The following APH1B variants were observed in gnomAD, a reference collection of about 807,000 sequenced individuals.
APH1B encodes the protein aph-1B gamma-secretase subunit.
Under a neutral mutation model 28.2 loss-of-function variants are expected in APH1B, and 27 were observed. The observed-to-expected ratio is 0.96, with a 90% confidence interval of 0.70 to 1.32. The LOEUF (loss-of-function observed/expected upper bound fraction) is 1.32. APH1B is among the 40% of genes most tolerant of loss of function. APH1B has a pLI of 0.00. For synonymous variants in APH1B, 141 were observed against 124.6 expected (o/e 1.13, Z -0.88); for missense variants, 305 against 313.6 (o/e 0.97, Z 0.21).
Position 63,279,231 on chromosome 15 carries a change from A to C in APH1B, c.184A>C (p.Asn62His). The change falls in exon 2 of 6, where the codon AAC (asparagine) becomes CAC (histidine). Residue 62 changes from asparagine (N) to histidine (H), a missense_variant. Asn to His is a moderately conservative substitution (Grantham distance 68). Coordinates refer to ENST00000261879, the MANE Select transcript of APH1B (RefSeq NM_031301.4). ...GTTCATGGCAAGAGTCATTATTGAC[A>C]ACAAAGATGGACCAACACAGAAATA... Reference protein sequence around the residue: ...VWFMARVIIDNKDGPTQKYLL... With the variant: ...VWFMARVIIDHKDGPTQKYLL... 1.2e-6 allele frequency: 2 copies of C among 1,613,368 alleles called. No individual in the cohort carries two copies. Among genetic ancestry groups the C allele is most frequent in the Non-Finnish European group, 1.7e-6 (2 of 1,179,402 alleles).
At chr15:63,293,131 T>A (rs1232071182) in intron 4 of APH1B, among the ~76,000 whole-genome samples, 1 of 152,128 alleles carries the variant, frequency 6.6e-6, no homozygotes, top group Admixed American at 6.5e-5. Context: ...ACTGCTGCCT[T>A]TATTTTTAGT....
chr15:63,279,420 C>T (rs2038361844), intron 2 of APH1B, 89 bp downstream of exon 2: 4 of 1,237,116 alleles, frequency 3.2e-6, no homozygotes, highest in East Asian at 2.4e-5. Context: ...AGTATTGTAT[C>T]TATGCCCTCC....
In APH1B at chr15:63,305,877, A is replaced by C. The variant is rs200629722; in HGVS notation, c.*96A>C. 2.1e-6 allele frequency: 3 copies of C among 1,447,170 alleles called. No individual in the cohort carries two copies. Among genetic ancestry groups the C allele is most frequent in the Non-Finnish European group, 2.8e-6 (3 of 1,079,616 alleles). 89.6% of individuals were successfully genotyped at this position (1,447,170 alleles called of 1,614,324 possible). A position where few individuals can be genotyped will look rare whatever the true frequency, so the allele number is the denominator to read the frequency against. On this transcript the variant is annotated 3_prime_UTR_variant, in exon 6 of 6. Transcript: ENST00000261879. Reference sequence around the variant, plus strand: ...AAAATCCCTTTTTCTGGTGGAATTGAGAAAGAAATAAAACTATGCAGATAT... The same window carrying C: ...AAAATCCCTTTTTCTGGTGGAATTGCGAAAGAAATAAAACTATGCAGATAT...
chr15:63,286,524 T>TC (rs1595760103), intron 2 of APH1B, 34 bp from the exon 3 acceptor site: 3 of 1,526,326 alleles, frequency 2.0e-6, no homozygotes, highest in Non-Finnish European at 1.8e-6. Flanking sequence ...TTTTTTTTTT[T>TC]TTCTTCTTAA....
In APH1B at chr15:63,308,797, C is replaced by G. The variant is rs2038713229; in HGVS notation, c.*3016C>G. Reference sequence around the variant, plus strand: ...GGAGGGTGTTGGCTGTTTTTGTTAGCTCAGTTTTTTTCTGGGCTCCACCAT... The same window carrying G: ...GGAGGGTGTTGGCTGTTTTTGTTAGGTCAGTTTTTTTCTGGGCTCCACCAT... On this transcript the variant is annotated 3_prime_UTR_variant, in exon 6 of 6. Coordinates refer to ENST00000261879, the MANE Select transcript of APH1B (RefSeq NM_031301.4). 6.6e-6 allele frequency: 1 copy of G among 152,212 alleles called. No individual in the cohort carries two copies. The highest frequency in any genetic ancestry group is 1.5e-5 in the Non-Finnish European group (1 of 68,038). The allele number at this position is 152,212 out of a possible 1,614,324, so 9.4% of individuals were successfully genotyped here. A position where few individuals can be genotyped will look rare whatever the true frequency, so the allele number is the denominator to read the frequency against.
chr15:63,282,236 C>A (rs1226909066), intron 2 of APH1B, among the ~76,000 whole-genome samples: 1 of 152,204 alleles, frequency 6.6e-6, no homozygotes, highest in Non-Finnish European at 1.5e-5. Flanking sequence ...TTTATCTCCA[C>A]TGCCAAAGTA....
At chr15:63,277,763 G>C (rs2038340386) in intron 1 of APH1B, 27 bp downstream of exon 1, 1 of 1,599,490 alleles carries the variant, frequency 6.3e-7, no homozygotes, top group African/African-American at 1.4e-5. Flanking sequence ...GGGAAACCCG[G>C]ACGCCGGGGC....
At chr15:63,278,665 C>T (rs1160020701) in intron 1 of APH1B, among the ~76,000 whole-genome samples, 1 of 152,140 alleles carries the variant, frequency 6.6e-6, no homozygotes, top group African/African-American at 2.4e-5. Flanking sequence ...GAATTTTATA[C>T]CAGTCACTTT....
chr15:63,284,513 C>CTGTGCTTT, intron 2 of APH1B, among the ~76,000 whole-genome samples: 1 of 152,180 alleles, frequency 6.6e-6, no homozygotes, highest in South Asian at 2.1e-4. Context: ...TGCGCCTGGC[C>CTGTGCTTT]AATATGTGCT....
At chr15:63,286,751 T>A in intron 3 of APH1B, 123 bp downstream of exon 3, 2 of 876,950 alleles carry the variant, frequency 2.3e-6, no homozygotes, top group Non-Finnish European at 3.4e-6. Context: ...CCTATTGGTG[T>A]ACATATTTGC....
At chr15:63,281,198 G>A (rs2152592102) in intron 2 of APH1B, among the ~76,000 whole-genome samples, 1 of 151,982 alleles carries the variant, frequency 6.6e-6, no homozygotes, top group East Asian at 1.9e-4. Flanking sequence ...TCAAGTACCA[G>A]GTAAATGAAG....
In APH1B at chr15:63,286,591, A is replaced by G. The variant is rs757189544; in HGVS notation, c.318A>G (p.Pro106=). The change falls in exon 3 of 6, where the codon CCA becomes CCG. Residue 106 remains proline, a synonymous_variant. Coordinates refer to ENST00000261879, the MANE Select transcript of APH1B (RefSeq NM_031301.4). The part of the protein sequence containing the change: ...KASEGLKSIN[P]GETAPSMRLL... Reference sequence around the variant, plus strand: ...GTGAAGGTTTGAAGAGTATAAACCCAGGTGAGACAGCACCCTCTATGCGAC... The same window carrying G: ...GTGAAGGTTTGAAGAGTATAAACCCGGGTGAGACAGCACCCTCTATGCGAC... The G allele has an allele frequency of 2.5e-6, 4 of 1,607,484 alleles. No homozygotes were observed. The highest frequency in any genetic ancestry group is 3.4e-6 in the Non-Finnish European group (4 of 1,177,476).
At chr15:63,286,524 T>A in intron 2 of APH1B, 34 bp from the exon 3 acceptor site, 1 of 1,526,332 alleles carries the variant, frequency 6.6e-7, no homozygotes, top group Non-Finnish European at 8.8e-7. Flanking sequence ...TTTTTTTTTT[T>A]TTCTTCTTAA....
chr15:63,299,010 G>A (rs1263439691), intron 4 of APH1B, among the ~76,000 whole-genome samples: 2 of 152,130 alleles, frequency 1.3e-5, no homozygotes, highest in Admixed American at 1.3e-4. Context: ...GAAATGGAGA[G>A]GGGTGGTGCT....
intron 2 of APH1B, among the ~76,000 whole-genome samples, chr15:63,282,619 C>T (rs1178139035): frequency 2.6e-5 from 4 of 151,726 alleles, no homozygotes; most frequent in Non-Finnish European, 5.9e-5. Flanking sequence ...GCTTGAAACT[C>T]CTGTATGTTG....
intron 2 of APH1B, among the ~76,000 whole-genome samples, chr15:63,285,069 A>T (rs1435723984): frequency 6.6e-6 from 1 of 152,224 alleles, no homozygotes; most frequent in Non-Finnish European, 1.5e-5. Context: ...GAAGATGGTC[A>T]CTTAAATTTC....
In APH1B at chr15:63,278,786, C is replaced by A. The variant is rs542859654; in HGVS notation, c.114-375C>A. 3.6e-4 allele frequency among the ~76,000 whole-genome samples: 55 copies of A among 152,290 alleles called. No homozygotes were observed. The South Asian group carries it at 0.011, about 31-fold the overall frequency. On this transcript the variant is annotated intron_variant, in intron 1 of 5. Coordinates refer to ENST00000261879, the MANE Select transcript of APH1B (RefSeq NM_031301.4). ...TTAAGAATATGAAAATTGCAGTAAT[C>A]AGGGTTGTGTATTTTCTTGTTTTGG...
At chr15:63,278,290 GC>G (rs1311442479) in intron 1 of APH1B, 2 of 456,402 alleles carry the variant, frequency 4.4e-6, no homozygotes, top group African/African-American at 4.0e-5. Context: ...CCGTTGTGCA[GC>G]CGAAGGGTGG....
At chr15:63,299,443 C>T (rs1434743977) in intron 4 of APH1B, among the ~76,000 whole-genome samples, 2 of 151,508 alleles carry the variant, frequency 1.3e-5, no homozygotes, top group African/African-American at 2.4e-5. Flanking sequence ...CTTGCTCTGT[C>T]ACCCAGGCTG....
Sources: gnomAD v4.1 joint callset for allele counts (sites outside exome capture counted in the v4.1 genomes callset) on GRCh38, gnomAD v4.1.1 for gene constraint, MANE v1.5 for transcripts, NCBI Gene and HGNC (gene_info 2026-07-23, HGNC 2026-07-21) for gene names.